Variants in SLC24A3 observed in about 807,000 individuals in gnomAD.
The protein encoded by SLC24A3 is solute carrier family 24 member 3, also known as sodium/potassium/calcium exchanger 3.
SLC24A3 carries 28 observed loss-of-function variants against 75.8 expected under a neutral mutation model. The observed-to-expected ratio is 0.37, with a 90% CI of 0.27 to 0.51. The LOEUF is 0.51. Ranked by LOEUF, SLC24A3 falls within the 20% of genes least tolerant of loss-of-function variation. SLC24A3 has a pLI of 0.94. For missense variants in SLC24A3, 663 were observed against 847.8 expected, an observed-to-expected ratio of 0.78 and a Z score of 2.71; for synonymous variants, 372 against 334.1, an observed-to-expected ratio of 1.11 and a Z score of -1.24.
chr20:19,283,698 A>G (rs1983725820), intron 2 of SLC24A3, among the ~76,000 whole-genome samples: 1 of 152,246 alleles, frequency 6.6e-6, no homozygotes. Flanking sequence ...CCAAATAGCC[A>G]GGTTCTCAGA....
intron 12 of SLC24A3, 65 bp downstream of exon 12, chr20:19,685,426 A>T: frequency 6.4e-7 from 1 of 1,567,630 alleles, no homozygotes. Context: ...GATGCCCTTG[A>T]CTTAGATTAT....
chr20:19,458,780 T>C (rs1987621279), intron 2 of SLC24A3, among the ~76,000 whole-genome samples: 1 of 152,234 alleles, frequency 6.6e-6, no homozygotes. Flanking sequence ...GAGCAGTCTC[T>C]TTTTTGTTGT....
At chr20:19,416,906 C>T (rs951268750) in intron 2 of SLC24A3, among the ~76,000 whole-genome samples, 6 of 152,168 alleles carry the variant, frequency 3.9e-5, no homozygotes, top group African/African-American at 7.2e-5. Context: ...TAGCAAAACT[C>T]GCAGAAGGTA....
At chr20:19,590,898 C>T (rs986347354) in intron 6 of SLC24A3, among the ~76,000 whole-genome samples, 2 of 152,158 alleles carry the variant, frequency 1.3e-5, no homozygotes, top group Non-Finnish European at 2.9e-5. Context: ...CAAGCGTGGC[C>T]CTGGATGAGA....
At chr20:19,270,268 A>G (rs1256921544) in intron 1 of SLC24A3, among the ~76,000 whole-genome samples, 1 of 152,164 alleles carries the variant, frequency 6.6e-6, no homozygotes, top group East Asian at 1.9e-4. Flanking sequence ...GCATCCACTG[A>G]GAACTCTTGA....
At chr20:19,569,783 C>A (rs1183309986) in intron 3 of SLC24A3, among the ~76,000 whole-genome samples, 1 of 152,232 alleles carries the variant, frequency 6.6e-6, no homozygotes, top group Non-Finnish European at 1.5e-5. Flanking sequence ...TGCAGCAACT[C>A]CGTGTCCTCT....
At chr20:19,254,535 C>A (rs1982752971) in intron 1 of SLC24A3, among the ~76,000 whole-genome samples, 1 of 152,158 alleles carries the variant, frequency 6.6e-6, no homozygotes, top group Non-Finnish European at 1.5e-5. Context: ...GCTTTCCTTC[C>A]AGTTTAATAA....
intron 1 of SLC24A3, among the ~76,000 whole-genome samples, chr20:19,269,254 G>A (rs1184875967): frequency 1.3e-5 from 2 of 152,222 alleles, no homozygotes. Flanking sequence ...GGTCCTTTTG[G>A]ACTGCACAGA....
chr20:19,437,026 C>G (rs1172895668), intron 2 of SLC24A3, among the ~76,000 whole-genome samples: 1 of 152,178 alleles, frequency 6.6e-6, no homozygotes, highest in East Asian at 1.9e-4. Context: ...AACAGAATAA[C>G]ATGGTGAGAC....
chr20:19,428,580 A>G (rs1262268597), intron 2 of SLC24A3, among the ~76,000 whole-genome samples: 3 of 152,244 alleles, frequency 2.0e-5, no homozygotes, highest in Admixed American at 6.5e-5. Context: ...TGAGCAAAGT[A>G]AGCTACAGTG....
rs541664147 is a variant in SLC24A3, at chr20:19,474,415, A to T, written c.272-41073A>T. 1.3e-3 allele frequency among the ~76,000 whole-genome samples: 196 copies of T among 152,256 alleles called. 1 individual carries two copies. Among genetic ancestry groups the T allele is most frequent in the Non-Finnish European group, 2.3e-3 (156 of 68,016 alleles). ...AAAAGAAAATTATTAAAAATTCAGA[A>T]CTGTTAAGGAAAATACTAACTACAT... On this transcript the variant is annotated intron_variant, in intron 2 of 16. Transcript: ENST00000328041.
chr20:19,711,299 A>G (rs1383381940), intron 15 of SLC24A3, among the ~76,000 whole-genome samples: 1 of 62,894 alleles, frequency 1.6e-5, no homozygotes, highest in Non-Finnish European at 3.1e-5. Context: ...ACACGCACAC[A>G]CATGCACACA....
At chr20:19,418,543 A>G (rs1986863605) in intron 2 of SLC24A3, among the ~76,000 whole-genome samples, 1 of 152,080 alleles carries the variant, frequency 6.6e-6, no homozygotes, top group African/African-American at 2.4e-5. Context: ...AACAAAACAA[A>G]AAACAGTAAA....
chr20:19,410,888 A>T (rs1986732090), intron 2 of SLC24A3, among the ~76,000 whole-genome samples: 1 of 152,242 alleles, frequency 6.6e-6, no homozygotes. Flanking sequence ...CAACAATTTG[A>T]TGAGCTCAGT....
At chr20:19,266,969 T>A (rs1273338938) in intron 1 of SLC24A3, among the ~76,000 whole-genome samples, 1 of 152,204 alleles carries the variant, frequency 6.6e-6, no homozygotes, top group Admixed American at 6.5e-5. Flanking sequence ...CAATATTACA[T>A]AAACTTCAGG....
intron 2 of SLC24A3, among the ~76,000 whole-genome samples, chr20:19,350,672 G>T (rs1985546362): frequency 6.6e-6 from 1 of 152,214 alleles, no homozygotes; most frequent in Admixed American, 6.5e-5. Flanking sequence ...TAATGGAAAT[G>T]ATTAGATTAG....
At chr20:19,422,903 G>C (rs1240864148) in intron 2 of SLC24A3, among the ~76,000 whole-genome samples, 1 of 152,226 alleles carries the variant, frequency 6.6e-6, no homozygotes, top group Non-Finnish European at 1.5e-5. Flanking sequence ...GATGGAATAA[G>C]AGAGTTACAC....
intron 15 of SLC24A3, among the ~76,000 whole-genome samples, chr20:19,715,724 C>A (rs2033038722): frequency 6.6e-6 from 1 of 152,206 alleles, no homozygotes; most frequent in African/African-American, 2.4e-5. Context: ...CTGGTGCAGT[C>A]ATGCCAAGAG....
rs369781975 is a variant in SLC24A3, at chr20:19,294,487, G to GT, written c.271+13401dup. ...GTGTTGTTCCCTTCCCCGTTTCCATGTGTTCTCATTGTTCAGCTCCTACTT... is the reference window on the plus strand; with the variant it reads ...GTGTTGTTCCCTTCCCCGTTTCCATGTTGTTCTCATTGTTCAGCTCCTACTT... On this transcript the variant is annotated intron_variant, in intron 2 of 16. Transcript: ENST00000328041. 7.1e-3 allele frequency among the ~76,000 whole-genome samples: 1,084 copies of GT among 152,154 alleles called. 11 individuals carry two copies. The highest frequency in any genetic ancestry group is 0.025 in the African/African-American group (1,045 of 41,500).
Sources: gnomAD v4.1 joint callset for allele counts (sites outside exome capture counted in the v4.1 genomes callset) on GRCh38, gnomAD v4.1.1 for gene constraint, MANE v1.5 for transcripts, NCBI Gene and HGNC (gene_info 2026-07-23, HGNC 2026-07-21) for gene names.